Variants in FHIT observed in about 807,000 individuals in gnomAD.
FHIT encodes the protein fragile histidine triad diadenosine triphosphatase.
Under a neutral mutation model 17.9 loss-of-function variants are expected in FHIT, and 19 were observed. That is an observed-to-expected ratio of 1.06 (90% CI 0.74 to 1.56). The LOEUF is 1.56. Among genes scored for constraint, FHIT ranks in the 40% most tolerant of loss-of-function variants. The probability of loss-of-function intolerance (pLI) is 0.00; values close to 1 mark genes in which losing one functional copy is unlikely to be tolerated. For missense variants in FHIT, 248 were observed against 189.2 expected, an observed-to-expected ratio of 1.31 and a Z score of -1.82; for synonymous variants, 81 against 69.7, an observed-to-expected ratio of 1.16 and a Z score of -0.81.
chr3:59,763,955 C>T lies in FHIT; in HGVS notation c.349-11634G>A, dbSNP rs190199036. ...ATTCTTTCAGTCACATCACTCTTTT[C>T]AAGCACCTACTTTGTGCTAGGCGCA... On this transcript the variant is annotated intron_variant, in intron 8 of 9. Transcript: ENST00000492590. Among the ~76,000 whole-genome samples, 320 of 152,312 alleles carry T rather than the reference C, an allele frequency of 2.1e-3. 2 individuals are homozygous for T. Among genetic ancestry groups the T allele is most frequent in the African/African-American group, 7.2e-3 (300 of 41,576 alleles).
At chr3:60,324,049 T>C (rs544249341) in intron 5 of FHIT, among the ~76,000 whole-genome samples, 1 of 152,186 alleles carries the variant, frequency 6.6e-6, no homozygotes, top group African/African-American at 2.4e-5. Flanking sequence ...TTATTAACAA[T>C]AGAAGCAATA....
At chr3:61,007,276 T>TC (rs2031514943) in intron 3 of FHIT, among the ~76,000 whole-genome samples, 1 of 152,212 alleles carries the variant, frequency 6.6e-6, no homozygotes, top group Non-Finnish European at 1.5e-5. Flanking sequence ...AACAAGAGGC[T>TC]GTATTTTGTA....
intron 8 of FHIT, among the ~76,000 whole-genome samples, chr3:59,904,807 G>A (rs1005247753): frequency 6.6e-6 from 1 of 152,204 alleles, no homozygotes; most frequent in Non-Finnish European, 1.5e-5. Context: ...AGGTGAGAAA[G>A]TTCCCCTGTG....
intron 3 of FHIT, among the ~76,000 whole-genome samples, chr3:60,942,541 T>G (rs977343774): frequency 2.6e-5 from 4 of 152,166 alleles, no homozygotes; most frequent in Non-Finnish European, 5.9e-5. Flanking sequence ...CATTTTTCAT[T>G]TCTAATACTG....
chr3:61,231,259 A>G (rs929751336), intron 1 of FHIT, among the ~76,000 whole-genome samples: 2 of 152,212 alleles, frequency 1.3e-5, no homozygotes, highest in Non-Finnish European at 2.9e-5. Flanking sequence ...TGGAAGGCCA[A>G]GGTGGGAGGA....
intron 5 of FHIT, among the ~76,000 whole-genome samples, chr3:60,155,116 G>A (rs535135942): frequency 1.9e-4 from 29 of 151,554 alleles, no homozygotes; most frequent in Middle Eastern, 3.4e-3. Flanking sequence ...GAGCCCAGGA[G>A]GTCGAGGCTG....
chr3:60,326,333 A>G (rs1382624918), intron 5 of FHIT, among the ~76,000 whole-genome samples: 1 of 152,054 alleles, frequency 6.6e-6, no homozygotes, highest in African/African-American at 2.4e-5. Context: ...TCTGGGGGTG[A>G]TGGGAGACAG....
intron 5 of FHIT, among the ~76,000 whole-genome samples, chr3:60,313,902 C>G (rs1003735932): frequency 6.6e-6 from 1 of 152,176 alleles, no homozygotes; most frequent in Non-Finnish European, 1.5e-5. Flanking sequence ...AAGTGCTGCT[C>G]TTGGCCCAAA....
At chr3:60,752,862 A>G (rs1331669363) in intron 4 of FHIT, among the ~76,000 whole-genome samples, 1 of 152,224 alleles carries the variant, frequency 6.6e-6, no homozygotes, top group Non-Finnish European at 1.5e-5. Context: ...AGTTATTCTG[A>G]AAAAAATACA....
At chr3:60,795,578 G>A (rs933282838) in intron 4 of FHIT, among the ~76,000 whole-genome samples, 6 of 150,958 alleles carry the variant, frequency 4.0e-5, no homozygotes, top group South Asian at 2.1e-4. Context: ...GCAGTGGCAC[G>A]ATCAGGGCTC....
chr3:60,886,017 T>A (rs1553759200), intron 3 of FHIT, among the ~76,000 whole-genome samples: 16 of 152,222 alleles, frequency 1.1e-4, no homozygotes. Context: ...AAACCATTGC[T>A]TGGCACATAT....
At chr3:60,477,754 C>G (rs563947884) in intron 5 of FHIT, among the ~76,000 whole-genome samples, 1 of 152,274 alleles carries the variant, frequency 6.6e-6, no homozygotes, top group Admixed American at 6.5e-5. Context: ...TCTCAGGAAT[C>G]AGGTAGAGAC....
At chr3:61,096,375 G>C (rs914361573) in intron 2 of FHIT, among the ~76,000 whole-genome samples, 2 of 152,188 alleles carry the variant, frequency 1.3e-5, no homozygotes, top group Non-Finnish European at 1.5e-5. Context: ...TAAGGTCAGT[G>C]GTCCTAAGGA....
chr3:60,054,948 C>A (rs919264184), intron 5 of FHIT, among the ~76,000 whole-genome samples: 2 of 152,044 alleles, frequency 1.3e-5, no homozygotes, highest in Admixed American at 6.6e-5. Context: ...GAATGGCTAC[C>A]TTTGCTGTAT....
chr3:60,568,542 G>A (rs1055232034), intron 4 of FHIT, among the ~76,000 whole-genome samples: 5 of 151,840 alleles, frequency 3.3e-5, no homozygotes, highest in African/African-American at 1.2e-4. Flanking sequence ...CACCAACATG[G>A]CACATGTATA....
chr3:60,494,943 C>T (rs9848952), intron 5 of FHIT, among the ~76,000 whole-genome samples: 57,667 of 151,976 alleles, frequency 0.38, 12,462 homozygotes, highest in East Asian at 0.59. Context: ...AACACGGGAG[C>T]GCAGATCGCT....
At chr3:60,000,092 T>G (rs866426317) in intron 7 of FHIT, among the ~76,000 whole-genome samples, 3 of 152,206 alleles carry the variant, frequency 2.0e-5, no homozygotes, top group Non-Finnish European at 2.9e-5. Context: ...GTCAGTTACC[T>G]GCTTTCTTGT....
intron 5 of FHIT, among the ~76,000 whole-genome samples, chr3:60,242,518 C>T (rs1195648382): frequency 6.6e-6 from 1 of 152,044 alleles, no homozygotes; most frequent in Non-Finnish European, 1.5e-5. Context: ...AATTATATTG[C>T]CTTCTTCACT....
At chr3:60,908,666 G>A (rs1012323085) in intron 3 of FHIT, among the ~76,000 whole-genome samples, 1 of 147,962 alleles carries the variant, frequency 6.8e-6, no homozygotes, top group East Asian at 2.1e-4. Context: ...GCAATCTAAG[G>A]TTAAAAGAGA....
Sources: allele counts gnomAD v4.1 joint callset (sites outside exome capture counted in the v4.1 genomes callset), GRCh38; gene constraint gnomAD v4.1.1; transcripts MANE v1.5; gene names NCBI Gene and HGNC (gene_info 2026-07-23, HGNC 2026-07-21).